The following IQSEC3 variants were observed in gnomAD, a reference collection of about 807,000 sequenced individuals.
IQSEC3 encodes the protein IQ motif and Sec7 domain ArfGEF 3.
IQSEC3 carries 50 observed loss-of-function variants against 105.4 expected under a neutral mutation model. The ratio of observed to expected loss-of-function variants is 0.47; its 90% CI spans 0.38 to 0.60. The LOEUF (loss-of-function observed/expected upper bound fraction) is 0.60, where lower values mean the gene tolerates loss of function less well. Among genes scored for constraint, IQSEC3 ranks in the 20% least tolerant of loss-of-function variants. The probability of loss-of-function intolerance (pLI) is 0.00; values close to 1 mark genes in which losing one functional copy is unlikely to be tolerated. For synonymous variants in IQSEC3, 708 were observed against 746.0 expected (o/e 0.95, Z 0.83); for missense variants, 1,415 against 1,630.0 (o/e 0.87, Z 2.27).
intron 2 of IQSEC3, among the ~76,000 whole-genome samples, chr12:123,597 A>G (rs950685840): frequency 2.0e-5 from 3 of 152,194 alleles, no homozygotes; most frequent in Non-Finnish European, 4.4e-5. Flanking sequence ...TTTATCTGCC[A>G]GAGGTGCAGG....
At chr12:164,811 T>G (rs1455294868) in intron 9 of IQSEC3, 1 of 152,594 alleles carries the variant, frequency 6.6e-6, no homozygotes, top group Non-Finnish European at 1.5e-5. Context: ...AAACGAGCTT[T>G]CATTTTAGTA....
At chr12:80,259 A>C (rs1387306997) in intron 1 of IQSEC3, among the ~76,000 whole-genome samples, 1 of 151,470 alleles carries the variant, frequency 6.6e-6, no homozygotes, top group Non-Finnish European at 1.5e-5. Flanking sequence ...CCGTCTGAAA[A>C]CTCCAGCTTG....
At chr12:83,324 C>A (rs1481351009) in intron 1 of IQSEC3, among the ~76,000 whole-genome samples, 1 of 152,120 alleles carries the variant, frequency 6.6e-6, no homozygotes, top group Non-Finnish European at 1.5e-5. Flanking sequence ...AAAGCCCCTG[C>A]CGTCATGGAG....
intron 5 of IQSEC3, among the ~76,000 whole-genome samples, chr12:155,275 C>T (rs1866647486): frequency 6.6e-6 from 1 of 152,210 alleles, no homozygotes; most frequent in Non-Finnish European, 1.5e-5. Context: ...CTGGTGCTGC[C>T]GATTCTCATG....
intron 1 of IQSEC3, among the ~76,000 whole-genome samples, chr12:91,587 C>A (rs1157118297): frequency 6.6e-6 from 1 of 152,142 alleles, no homozygotes; most frequent in South Asian, 2.1e-4. Context: ...CCAGCCTGGG[C>A]AGCATGATGA....
chr12:83,509 G>T (rs558150310), intron 1 of IQSEC3, among the ~76,000 whole-genome samples: 10 of 152,070 alleles, frequency 6.6e-5, no homozygotes, highest in African/African-American at 2.4e-4. Context: ...AACAGAGCAC[G>T]TGAAGACCTC....
chr12:102,428 C>A (rs889860749), intron 2 of IQSEC3, among the ~76,000 whole-genome samples: 2 of 152,216 alleles, frequency 1.3e-5, no homozygotes, highest in African/African-American at 4.8e-5. Context: ...TGGCTAAGGC[C>A]GGCCCCCACT....
At chr12:132,334 T>C (rs1205489626) in intron 3 of IQSEC3, among the ~76,000 whole-genome samples, 2 of 152,022 alleles carry the variant, frequency 1.3e-5, no homozygotes, top group Admixed American at 1.3e-4. Flanking sequence ...GAGTAGGACT[T>C]TGTGGCCCAG....
chr12:74,475 G>C (rs564586202), intron 1 of IQSEC3, among the ~76,000 whole-genome samples: 3 of 152,400 alleles, frequency 2.0e-5, no homozygotes, highest in East Asian at 1.9e-4. Context: ...GTGCCCGGGT[G>C]GGGGTGGAGG....
intron 2 of IQSEC3, among the ~76,000 whole-genome samples, chr12:105,152 C>G (rs1864603337): frequency 6.6e-6 from 1 of 152,270 alleles, no homozygotes; most frequent in African/African-American, 2.4e-5. Context: ...GCCCCAAGCT[C>G]TGGGTCTCTG....
chr12:171,984 C>CCCCA (rs1939025787), intron 13 of IQSEC3, among the ~76,000 whole-genome samples: 2 of 152,198 alleles, frequency 1.3e-5, no homozygotes, highest in African/African-American at 4.8e-5. Context: ...GCCTCGTGAG[C>CCCCA]CCCACCCCTC....
chr12:73,226 C>T lies in IQSEC3; in HGVS notation c.554+5790C>T, dbSNP rs1157042178. 3.3e-5 allele frequency among the ~76,000 whole-genome samples: 5 copies of T among 152,134 alleles called. No homozygotes were observed. In the East Asian group the frequency reaches 9.6e-4, roughly 29 times the overall value. On this transcript the variant is annotated intron_variant, in intron 1 of 13. Coordinates refer to ENST00000538872, the MANE Select transcript of IQSEC3 (RefSeq NM_001170738.2). ...AGAACATGGGCTTTGGGCAAGCACG[C>T]CTGGGGAGAAATCTTGGTACCTCCC... is the stretch of plus-strand genomic sequence containing the variant.
chr12:141,283 G>A lies in IQSEC3; in HGVS notation c.2151G>A (p.Leu717=), dbSNP rs970298650. The A allele has an allele frequency of 1.2e-5, 20 of 1,613,320 alleles. 1 individual carries two copies. Among genetic ancestry groups the A allele is most frequent in the East Asian group, 2.2e-5 (1 of 44,842 alleles). The change falls in exon 5 of 14, where the codon CTG becomes CTA. Residue 717 remains leucine (L), a splice_region_variant and synonymous_variant. Coordinates refer to ENST00000538872, the MANE Select transcript of IQSEC3 (RefSeq NM_001170738.2). ...NSKKQFNRDV[L]DCVVDEMDFS... is the part of the protein sequence containing the mutation. The stretch of plus-strand genomic sequence containing the variant: ...AGAAGCAGTTCAACCGCGACGTGCT[G>A]GAGTGAGTACCCCACACTCCGGGCT...
At chr12:161,562 G>C (rs1450757283) in intron 7 of IQSEC3, among the ~76,000 whole-genome samples, 2 of 152,132 alleles carry the variant, frequency 1.3e-5, no homozygotes, top group Non-Finnish European at 2.9e-5. Flanking sequence ...GTGGAGCTGG[G>C]GGGTGAGACG....
In IQSEC3 at chr12:85,623, G is replaced by A. The variant is rs572582687; in HGVS notation, c.555-13523G>A. Among the ~76,000 whole-genome samples the A allele has an allele frequency of 1.6e-4, 25 of 152,344 alleles. No individual in the cohort carries two copies. In the South Asian group the frequency reaches 5.2e-3, roughly 32 times the overall value. ...CACTGTTCTGGGGCTGGGCTGAGTG[G>A]CGGGGTGAGCATGGCCGAAAAGGAA... On this transcript the variant is annotated intron_variant, in intron 1 of 13. Transcript: ENST00000538872.
At chr12:111,519 C>G (rs1864886150) in intron 2 of IQSEC3, 1 of 152,146 alleles carries the variant, frequency 6.6e-6, no homozygotes, top group Non-Finnish European at 1.5e-5. Flanking sequence ...CTGAGCTTTT[C>G]CCTGTGTACT....
chr12:166,848 C>T (rs1938675539), intron 11 of IQSEC3: 1 of 152,146 alleles, frequency 6.6e-6, no homozygotes, highest in Non-Finnish European at 1.5e-5. Flanking sequence ...TTGTGTGGAT[C>T]CTCACAGTGA....
intron 2 of IQSEC3, among the ~76,000 whole-genome samples, chr12:102,399 G>C (rs1324168792): frequency 6.6e-6 from 1 of 152,202 alleles, no homozygotes; most frequent in Non-Finnish European, 1.5e-5. Context: ...GATCTCCCTG[G>C]CCATCCTCCT....
At chr12:128,233 CCCTGTGTCAGCATTT>C (rs2136974856) in intron 3 of IQSEC3, among the ~76,000 whole-genome samples, 1 of 152,198 alleles carries the variant, frequency 6.6e-6, no homozygotes, top group East Asian at 1.9e-4. Context: ...AGCCCTTCAG[CCCTGTGTCAGCATTT>C]CCTGTTTGCT....
Sources: allele counts gnomAD v4.1 joint callset (sites outside exome capture counted in the v4.1 genomes callset), GRCh38; gene constraint gnomAD v4.1.1; transcripts MANE v1.5; gene names NCBI Gene and HGNC (gene_info 2026-07-23, HGNC 2026-07-21).